The following SEC11A variants were observed in gnomAD, a reference collection of about 807,000 sequenced individuals.
The protein encoded by SEC11A is SEC11 homolog A, signal peptidase complex subunit, also known as signal peptidase complex catalytic subunit SEC11A.
In SEC11A, 14 loss-of-function variants were observed where a neutral mutation model predicts 25.6. The ratio of observed to expected loss-of-function variants is 0.55; its 90% CI spans 0.36 to 0.85. The LOEUF (loss-of-function observed/expected upper bound fraction) is 0.85. Among genes scored for constraint, SEC11A ranks in the 40% least tolerant of loss-of-function variants. SEC11A has a pLI of 0.01. For synonymous variants in SEC11A, 83 were observed against 76.4 expected, an observed-to-expected ratio of 1.09 and a Z score of -0.45; for missense variants, 153 against 222.9, an observed-to-expected ratio of 0.69 and a Z score of 2.00.
Position 84,691,527 on chromosome 15 carries a change from A to G in SEC11A, c.161+8T>C. 1 of 1,536,262 alleles carries G rather than the reference A, an allele frequency of 6.5e-7. No homozygotes were observed. Among genetic ancestry groups the G allele is most frequent in the South Asian group, 1.1e-5 (1 of 88,290 alleles). ...GCAATTCCATGCCTTGAAAGGAAAA[A>G]CTGTTACCTGAGCACCACTACAATC... On this transcript the variant is annotated splice_region_variant and intron_variant, in intron 2 of 5. Coordinates refer to ENST00000268220, the MANE Select transcript of SEC11A (RefSeq NM_014300.4).
chr15:84,691,688 A>T (rs1354458742), intron 1 of SEC11A, 44 bp from the exon 2 acceptor site: 1 of 1,152,796 alleles, frequency 8.7e-7, no homozygotes, highest in African/African-American at 1.5e-5. Context: ...CATTATCCCC[A>T]CTTCGGAAAG....
chr15:84,675,712 G>A (rs1014641161), intron 4 of SEC11A, among the ~76,000 whole-genome samples: 11 of 152,126 alleles, frequency 7.2e-5, no homozygotes, highest in Non-Finnish European at 1.6e-4. Context: ...TTCACCTGCT[G>A]CTTTCTATTC....
At chr15:84,680,484 A>G (rs1325356262) in intron 4 of SEC11A, among the ~76,000 whole-genome samples, 2 of 152,104 alleles carry the variant, frequency 1.3e-5, no homozygotes, top group African/African-American at 2.4e-5. Context: ...CCATCTCATC[A>G]CTAGTATTCT....
In SEC11A at chr15:84,690,660, G is replaced by T. The variant is rs112839935; in HGVS notation, c.161+875C>A. ...AGAGTATGAGTGCAAAGATAGGGAA[G>T]GAAGCAGAGTGGAGAAAAAAAATTC... On this transcript the variant is annotated intron_variant, in intron 2 of 5. Transcript: ENST00000268220. Among the ~76,000 whole-genome samples, 604 of 152,142 alleles carry T rather than the reference G, an allele frequency of 4.0e-3. 2 individuals carry two copies. Among genetic ancestry groups the T allele is most frequent in the African/African-American group, 0.014 (574 of 41,506 alleles).
intron 4 of SEC11A, chr15:84,680,075 G>A: frequency 1.5e-6 from 1 of 670,228 alleles, no homozygotes. Context: ...TAATTTGGAT[G>A]AACACTTTTG....
At chr15:84,693,015 G>A (rs1281476998) in intron 1 of SEC11A, among the ~76,000 whole-genome samples, 12 of 151,822 alleles carry the variant, frequency 7.9e-5, no homozygotes, top group Admixed American at 7.9e-4. Context: ...TAGGGATGAG[G>A]TTTCGCCATA....
At chr15:84,682,329 T>C (rs1415600097) in intron 3 of SEC11A, among the ~76,000 whole-genome samples, 1 of 152,192 alleles carries the variant, frequency 6.6e-6, no homozygotes, top group African/African-American at 2.4e-5. Context: ...TTTATCTTCT[T>C]TTTTCTCTAA....
chr15:84,680,080 C>G, intron 4 of SEC11A: 1 of 650,060 alleles, frequency 1.5e-6, no homozygotes, highest in South Asian at 2.1e-5. Flanking sequence ...TGGATGAACA[C>G]TTTTGAGTTA....
intron 4 of SEC11A, chr15:84,672,537 G>A (rs981467984): frequency 1.7e-5 from 3 of 172,060 alleles, no homozygotes; most frequent in Non-Finnish European, 2.4e-5. Flanking sequence ...CCGAGGTGCC[G>A]GGATTGCAGA....
intron 1 of SEC11A, among the ~76,000 whole-genome samples, chr15:84,709,373 T>C (rs183483387): frequency 4.7e-4 from 72 of 152,090 alleles, no homozygotes; most frequent in African/African-American, 1.7e-3. Flanking sequence ...AAATAGAATG[T>C]TTAAGGGAAA....
chr15:84,689,677 C>T (rs933418727), intron 2 of SEC11A, among the ~76,000 whole-genome samples: 7 of 150,934 alleles, frequency 4.6e-5, no homozygotes, highest in Admixed American at 3.3e-4. Context: ...GAGCGATCTC[C>T]GCTCACTGCA....
chr15:84,679,400 G>A (rs1374865140), intron 4 of SEC11A: 2 of 385,706 alleles, frequency 5.2e-6, no homozygotes, highest in African/African-American at 4.1e-5. Flanking sequence ...AAAGCACAAT[G>A]ATACCTGTTC....
At position 84,716,059 on chromosome 15, in the gene SEC11A, A is replaced by T; in HGVS notation, c.17T>A (p.Phe6Tyr). The T allele has an allele frequency of 6.2e-7, 1 of 1,613,854 alleles. No homozygotes were observed. The highest frequency in any genetic ancestry group is 8.5e-7 in the Non-Finnish European group (1 of 1,179,834). Residue 6 changes from phenylalanine to tyrosine, a missense_variant, in exon 1 of 6, where the codon TTT becomes TAT. Coordinates refer to ENST00000268220, the MANE Select transcript of SEC11A (RefSeq NM_014300.4). ...GTTCATCCGCCGCACATCGTCCAAA[A>T]AGTCTAGAGACAGCATGGCGGGGAC... Reference protein sequence around the residue: MLSLDFLDDVRRMNKR... With the variant: MLSLDYLDDVRRMNKR...
At chr15:84,676,572 G>C (rs1013565498) in intron 4 of SEC11A, among the ~76,000 whole-genome samples, 2 of 149,738 alleles carry the variant, frequency 1.3e-5, no homozygotes, top group Non-Finnish European at 3.0e-5. Context: ...TCAGGAGTTC[G>C]AGACCGCCTG....
At chr15:84,687,936 C>T (rs538445518) in intron 2 of SEC11A, among the ~76,000 whole-genome samples, 162 bp from the exon 3 acceptor site, 1 of 152,158 alleles carries the variant, frequency 6.6e-6, no homozygotes, top group Non-Finnish European at 1.5e-5. Context: ...AATATGGTTT[C>T]CTCAGACTAA....
intron 1 of SEC11A, among the ~76,000 whole-genome samples, chr15:84,708,233 A>T (rs1271414589): frequency 1.4e-5 from 2 of 146,528 alleles, no homozygotes; most frequent in Non-Finnish European, 3.0e-5. Context: ...AAAAAAAAAG[A>T]ATATACCTGT....
chr15:84,689,665 T>C (rs976600460), intron 2 of SEC11A, among the ~76,000 whole-genome samples: 7 of 150,782 alleles, frequency 4.6e-5, no homozygotes, highest in African/African-American at 1.5e-4. Flanking sequence ...TGGAGTGCAA[T>C]GGAGCGATCT....
At chr15:84,682,739 G>A (rs542513133) in intron 3 of SEC11A, among the ~76,000 whole-genome samples, 61 of 152,092 alleles carry the variant, frequency 4.0e-4, no homozygotes, top group Non-Finnish European at 7.5e-4. Flanking sequence ...GTGAGCCACC[G>A]TGCCCAGCCA....
chr15:84,700,640 A>AAAAAAAAAAAAAAAAAAAAAT (rs1897905528), intron 1 of SEC11A, among the ~76,000 whole-genome samples: 1 of 128,124 alleles, frequency 7.8e-6, no homozygotes, highest in Admixed American at 8.6e-5. Flanking sequence ...AAAAAAAAAA[A>AAAAAAAAAAAAAAAAAAAAAT]GGTAGGGGAA....
Sources: gnomAD v4.1 joint callset for allele counts (sites outside exome capture counted in the v4.1 genomes callset) on GRCh38, gnomAD v4.1.1 for gene constraint, MANE v1.5 for transcripts, NCBI Gene and HGNC (gene_info 2026-07-23, HGNC 2026-07-21) for gene names.